Variants in SLC39A10 observed in about 807,000 individuals in gnomAD.
SLC39A10 encodes zinc transporter ZIP10.
Under a neutral mutation model 65.1 loss-of-function variants are expected in SLC39A10, and 13 were observed. The ratio of observed to expected loss-of-function variants is 0.20; its 90% CI spans 0.13 to 0.32. The LOEUF (loss-of-function observed/expected upper bound fraction) is 0.32. Among genes scored for constraint, SLC39A10 ranks in the 10% least tolerant of loss-of-function variants. The pLI, the probability that SLC39A10 is intolerant of heterozygous loss-of-function variation, is 1.00. For missense variants in SLC39A10, 831 were observed against 1,018.4 expected, an observed-to-expected ratio of 0.82 and a Z score of 2.50; for synonymous variants, 321 against 342.2, an observed-to-expected ratio of 0.94 and a Z score of 0.68.
intron 5 of SLC39A10, among the ~76,000 whole-genome samples, chr2:195,711,807 A>G (rs752018626): frequency 3.9e-5 from 6 of 152,202 alleles, no homozygotes; most frequent in Non-Finnish European, 8.8e-5. Flanking sequence ...TGGTGTTTTC[A>G]TTTTCTTTAA....
At chr2:195,668,534 T>C (rs1689723357) in intron 1 of SLC39A10, among the ~76,000 whole-genome samples, 1 of 152,262 alleles carries the variant, frequency 6.6e-6, no homozygotes, top group South Asian at 2.1e-4. Context: ...TTCCCCATCA[T>C]TATTAGCATA....
upstream of SLC39A10, among the ~76,000 whole-genome samples, chr2:195,653,574 C>T (rs1198727764): frequency 2.0e-5 from 3 of 152,028 alleles, no homozygotes; most frequent in African/African-American, 7.2e-5. Flanking sequence ...GGATTACAAG[C>T]GTGAGCCACC....
intron 1 of SLC39A10, among the ~76,000 whole-genome samples, chr2:195,664,982 A>G (rs1295866755): frequency 1.3e-5 from 2 of 152,146 alleles, no homozygotes; most frequent in Non-Finnish European, 2.9e-5. Context: ...CAAGAGTTTG[A>G]GACCATCCTG....
At chr2:195,689,645 A>G (rs1273818549) in intron 3 of SLC39A10, among the ~76,000 whole-genome samples, 1 of 152,156 alleles carries the variant, frequency 6.6e-6, no homozygotes. Context: ...ACAACGATCC[A>G]TACTATCTGC....
At chr2:195,711,053 T>G (rs1216988213) in intron 5 of SLC39A10, among the ~76,000 whole-genome samples, 3 of 152,200 alleles carry the variant, frequency 2.0e-5, no homozygotes, top group Admixed American at 6.5e-5. Context: ...TCAAGAAGAC[T>G]TCTTAGTTGA....
chr2:195,680,574 C>G lies in SLC39A10; in HGVS notation c.532C>G (p.Leu178Val). 1 of 1,614,138 alleles carries G rather than the reference C, an allele frequency of 6.2e-7. No individual in the cohort carries two copies. Among genetic ancestry groups the G allele is most frequent in the Non-Finnish European group, 8.5e-7 (1 of 1,180,026 alleles). ...ACATATGCATGACCATAATCACCGC[C>G]TACGTCATCACCATCGTTTGCATCA... ...DKHMHDHNHRLRHHHRLHHHL... is the reference protein window; with the variant it reads ...DKHMHDHNHRVRHHHRLHHHL... The change falls in exon 2 of 10, where the codon CTA becomes GTA. Residue 178 changes from leucine to valine, a missense_variant. Transcript: ENST00000359634.
At chr2:195,621,810 A>T (rs1277718454) in intron 2 of SLC39A10, among the ~76,000 whole-genome samples, 2 of 152,250 alleles carry the variant, frequency 1.3e-5, no homozygotes, top group South Asian at 2.1e-4. Flanking sequence ...ACCTATGATC[A>T]TAATAAATAC....
intron 2 of SLC39A10, among the ~76,000 whole-genome samples, chr2:195,636,587 T>C (rs1359620872): frequency 6.6e-6 from 1 of 151,344 alleles, no homozygotes; most frequent in Non-Finnish European, 1.5e-5. Context: ...CAGTCTCTAC[T>C]AAAAAAACAA....
At chr2:195,639,997 T>C (rs1688772686) in intron 2 of SLC39A10, among the ~76,000 whole-genome samples, 1 of 152,254 alleles carries the variant, frequency 6.6e-6, no homozygotes, top group African/African-American at 2.4e-5. Context: ...ATATTTGTTT[T>C]ATAGTTTGGA....
At chr2:195,693,385 T>C (rs1399594655) in intron 3 of SLC39A10, among the ~76,000 whole-genome samples, 1 of 152,202 alleles carries the variant, frequency 6.6e-6, no homozygotes, top group Non-Finnish European at 1.5e-5. Context: ...TGAGGAATAG[T>C]GTCCGTAGGA....
At chr2:195,636,567 C>A (rs1043692810) in intron 2 of SLC39A10, among the ~76,000 whole-genome samples, 2 of 151,920 alleles carry the variant, frequency 1.3e-5, no homozygotes, top group Non-Finnish European at 2.9e-5. Flanking sequence ...CTGGCTAACA[C>A]GGTGAAACCC....
At chr2:195,618,831 G>A (rs868838725) in intron 2 of SLC39A10, among the ~76,000 whole-genome samples, 9 of 152,190 alleles carry the variant, frequency 5.9e-5, no homozygotes, top group East Asian at 1.9e-4. Context: ...GGTGGCTCAC[G>A]CCTGTAATCC....
intron 3 of SLC39A10, among the ~76,000 whole-genome samples, chr2:195,693,619 C>A (rs1031037924): frequency 6.6e-6 from 1 of 152,002 alleles, no homozygotes; most frequent in Non-Finnish European, 1.5e-5. Flanking sequence ...GAGTAATAAT[C>A]TTTTGTATTT....
intron 1 of SLC39A10, among the ~76,000 whole-genome samples, chr2:195,675,454 G>A (rs1472270356): frequency 6.6e-6 from 1 of 151,866 alleles, no homozygotes; most frequent in Non-Finnish European, 1.5e-5. Flanking sequence ...CTCTTTTTTT[G>A]AGACATAGTC....
chr2:195,624,193 C>T (rs1474169216), intron 2 of SLC39A10, among the ~76,000 whole-genome samples: 5 of 151,778 alleles, frequency 3.3e-5, no homozygotes, highest in Non-Finnish European at 4.4e-5. Flanking sequence ...CGAGACCAGC[C>T]TGACCAACAT....
rs1055664040 is a variant in SLC39A10 at position 195,736,727 on chromosome 2, C to T, written c.*1686C>T. 6.6e-6 allele frequency: 1 copy of T among 152,380 alleles called. No homozygotes were observed. Among genetic ancestry groups the T allele is most frequent in the Non-Finnish European group, 1.5e-5 (1 of 68,028 alleles). The allele number at this position is 152,380 out of a possible 1,614,324, so 9.4% of individuals were successfully genotyped here. A position where few individuals can be genotyped will look rare whatever the true frequency, so the allele number is the denominator to read the frequency against. On this transcript the variant is annotated 3_prime_UTR_variant, in exon 10 of 10. Coordinates refer to ENST00000359634, the MANE Select transcript of SLC39A10 (RefSeq NM_020342.3). ...AAATTATTTCTGACTTACTCCATGG[C>T]CTCCTTATAATAAGTAGAAGTTTTA...
At position 195,706,750 on chromosome 2, in the gene SLC39A10, A is replaced by C. The variant is rs1691412138; in HGVS notation, c.1351A>C (p.Met451Leu). The C allele has an allele frequency of 1.3e-6, 2 of 1,590,742 alleles. No homozygotes were observed. The highest frequency in any genetic ancestry group is 2.7e-5 in the African/African-American group (2 of 73,350). ...TFLVALAVGTMSGDALLHLLP... is the reference protein window; with the variant it reads ...TFLVALAVGTLSGDALLHLLP... The stretch of plus-strand genomic sequence containing the variant: ...CCTTGTTGCATTAGCTGTAGGAACA[A>C]TGAGTGGAGACGCCCTTCTTCATCT... The change falls in exon 4 of 10, where the codon ATG becomes CTG. Residue 451 changes from methionine (M) to leucine (L), a missense_variant. Coordinates refer to ENST00000359634, the MANE Select transcript of SLC39A10 (RefSeq NM_020342.3).
At chr2:195,652,728 C>T (rs1252987841), upstream of SLC39A10, among the ~76,000 whole-genome samples, 1 of 152,008 alleles carries the variant, frequency 6.6e-6, no homozygotes, top group African/African-American at 2.4e-5. Context: ...AGGGAAGAGA[C>T]TTGGAAAGGG....
chr2:195,650,394 T>G (rs987023088), intron 2 of SLC39A10, among the ~76,000 whole-genome samples: 5 of 151,610 alleles, frequency 3.3e-5, no homozygotes, highest in African/African-American at 1.2e-4. Context: ...TGGCTCTGAG[T>G]TTTTTGCTTT....
Sources: gnomAD v4.1 joint callset for allele counts (sites outside exome capture counted in the v4.1 genomes callset) on GRCh38, gnomAD v4.1.1 for gene constraint, MANE v1.5 for transcripts, NCBI Gene and HGNC (gene_info 2026-07-23, HGNC 2026-07-21) for gene names.